PKHD1: variants seen among roughly 807,000 people sequenced by gnomAD.
The protein encoded by PKHD1 is PKHD1 ciliary IPT domain containing fibrocystin/polyductin.
PKHD1 carries 291 observed loss-of-function variants against 412.0 expected under a neutral mutation model. That is an observed-to-expected ratio of 0.71 (90% CI 0.64 to 0.78). PKHD1 has a LOEUF of 0.78. Ranked by LOEUF, PKHD1 falls within the 30% of genes least tolerant of loss-of-function variation. PKHD1 has a pLI of 0.00. For synonymous variants in PKHD1, 1,777 were observed against 1,821.5 expected, an observed-to-expected ratio of 0.98 and a Z score of 0.62; for missense variants, 4,825 against 4,950.7, an observed-to-expected ratio of 0.97 and a Z score of 0.76.
At position 52,066,046 on chromosome 6, in the gene PKHD1, G is replaced by T. The variant is rs754448530; in HGVS notation, c.810C>A (p.Ser270Arg). 3 of 1,597,890 alleles carry T rather than the reference G, an allele frequency of 1.9e-6. No homozygotes were observed. The highest frequency in any genetic ancestry group is 1.7e-5 in the Admixed American group (1 of 59,724). ...EILSVFPETG[S>R]LGGRTNITIT... ...TTGTGATGTTTGTTCTTCCCCCAAGGCTCCCAGTTTCTGGAAACACAGATA... is the reference window on the plus strand; with the variant it reads ...TTGTGATGTTTGTTCTTCCCCCAAGTCTCCCAGTTTCTGGAAACACAGATA... Residue 270 changes from serine (S) to arginine (R), a missense_variant, in exon 12 of 67, where the codon AGC becomes AGA. Ser to Arg is a moderately radical substitution (Grantham distance 110). Transcript: ENST00000371117.
chr6:51,734,342 A>C (rs779243753), intron 60 of PKHD1, among the ~76,000 whole-genome samples: 1 of 152,222 alleles, frequency 6.6e-6, no homozygotes, highest in Non-Finnish European at 1.5e-5. Flanking sequence ...GAAAATGCTA[A>C]AACAAATTAT....
chr6:52,053,147 A>G lies in PKHD1; in HGVS notation c.2069T>C (p.Leu690Pro). The change falls in exon 21 of 67, where the codon CTT becomes CCT. Residue 690 changes from leucine to proline, a missense_variant. Leu to Pro is a moderately conservative substitution (Grantham distance 98). Coordinates refer to ENST00000371117, the MANE Select transcript of PKHD1 (RefSeq NM_138694.4). ...NSPVLVHQIN[L>P]LPLAQETGLF... ...GCCCGTCTCCTGGGCCAGAGGGAGA[A>G]GGTTGATCTGATGAACCAGCACTGG... is the stretch of plus-strand genomic sequence containing the variant. 1 of 1,614,174 alleles carries G rather than the reference A, an allele frequency of 6.2e-7. No homozygotes were observed. The highest frequency in any genetic ancestry group is 8.5e-7 in the Non-Finnish European group (1 of 1,179,982).
chr6:51,778,951 A>C (rs1210888745), intron 53 of PKHD1, among the ~76,000 whole-genome samples: 1 of 151,824 alleles, frequency 6.6e-6, no homozygotes, highest in South Asian at 2.1e-4. Flanking sequence ...ATCCCTCAAA[A>C]CTTGGCTCCA....
chr6:51,678,558 T>G (rs936669853), intron 60 of PKHD1, among the ~76,000 whole-genome samples: 2 of 152,082 alleles, frequency 1.3e-5, no homozygotes, highest in African/African-American at 4.8e-5. Context: ...AAGGTAGAAA[T>G]GACAACCTAT....
chr6:51,984,478 T>C (rs935581689), intron 35 of PKHD1, among the ~76,000 whole-genome samples: 4 of 152,250 alleles, frequency 2.6e-5, no homozygotes, highest in African/African-American at 9.6e-5. Flanking sequence ...AAAATTTACA[T>C]GTTGTCAGTT....
At chr6:51,715,235 T>A (rs1025431366) in intron 60 of PKHD1, among the ~76,000 whole-genome samples, 8 of 151,994 alleles carry the variant, frequency 5.3e-5, no homozygotes, top group African/African-American at 1.9e-4. Flanking sequence ...ATTTTTCCAA[T>A]GAGGAAATGG....
At chr6:51,805,918 T>C (rs576795404) in intron 52 of PKHD1, among the ~76,000 whole-genome samples, 35 of 152,270 alleles carry the variant, frequency 2.3e-4, no homozygotes, top group African/African-American at 7.9e-4. Context: ...TTCCAAGTCT[T>C]TGCTATTGTG....
At chr6:52,076,174 G>A in intron 6 of PKHD1, 102 bp downstream of exon 6, 1 of 787,218 alleles carries the variant, frequency 1.3e-6, no homozygotes, top group Non-Finnish European at 2.3e-6. Flanking sequence ...CATCAAAGAA[G>A]AAGTTAAATT....
intron 53 of PKHD1, among the ~76,000 whole-genome samples, chr6:51,789,067 G>A (rs920974013): frequency 1.4e-4 from 21 of 152,070 alleles, no homozygotes; most frequent in African/African-American, 3.6e-4. Flanking sequence ...GATCCCACCT[G>A]GGAATAGTTC....
intron 60 of PKHD1, among the ~76,000 whole-genome samples, chr6:51,733,059 C>T (rs1783414198): frequency 6.6e-6 from 1 of 152,094 alleles, no homozygotes; most frequent in African/African-American, 2.4e-5. Context: ...TAAGGGTAGT[C>T]AAAATCATAG....
At chr6:51,870,479 CT>C (rs774891896) in intron 47 of PKHD1, 24 bp downstream of exon 47, 1 of 1,588,396 alleles carries the variant, frequency 6.3e-7, no homozygotes, top group Admixed American at 1.7e-5. Flanking sequence ...TATTTATCAT[CT>C]GTTCTGTCTA....
In PKHD1 at chr6:52,019,868, G is replaced by A. The variant is rs1379602273; in HGVS notation, c.5381-2239C>T. On this transcript the variant is annotated intron_variant, in intron 33 of 66. Coordinates refer to ENST00000371117, the MANE Select transcript of PKHD1 (RefSeq NM_138694.4). The stretch of plus-strand genomic sequence containing the variant: ...AATTTCTCCTATGGTTAGAAGTACA[G>A]TTTGTGGGGATGGTAAAAATGGGTG... Among the ~76,000 whole-genome samples, 3 of 152,238 alleles carry A rather than the reference G, an allele frequency of 2.0e-5. No individual in the cohort carries two copies. In the East Asian group the frequency reaches 5.8e-4, roughly 29 times the overall value.
In PKHD1 at chr6:52,055,689, C is replaced by T. The variant is rs759232883; in HGVS notation, c.1734G>A (p.Gly578=). 5.0e-6 allele frequency: 8 copies of T among 1,613,912 alleles called. No homozygotes were observed. In the South Asian group the frequency reaches 8.8e-5, roughly 18 times the overall value. ...TGAACCTGCCACAGAAGGGCTCCGT[C>T]CCACTGGTGAGGTCCCCATCAGAGT... ...VSNSDGDLTS[G]TEPFCGRFSL... is the part of the protein sequence containing the mutation. Residue 578 remains glycine (G), a synonymous_variant, in exon 19 of 67, where the codon GGG becomes GGA. Transcript: ENST00000371117.
intron 1 of PKHD1, among the ~76,000 whole-genome samples, chr6:52,086,516 G>A (rs1236924080): frequency 6.6e-6 from 1 of 151,944 alleles, no homozygotes; most frequent in Non-Finnish European, 1.5e-5. Context: ...AAAAAAATCT[G>A]CAAAAACTTT....
At chr6:52,049,171 A>G (rs1246746270) in intron 22 of PKHD1, among the ~76,000 whole-genome samples, 1 of 152,224 alleles carries the variant, frequency 6.6e-6, no homozygotes, top group Non-Finnish European at 1.5e-5. Context: ...CATGCAGTTT[A>G]CTTACACAAA....
At chr6:51,621,663 C>G (rs934924651) in intron 66 of PKHD1, among the ~76,000 whole-genome samples, 1 of 152,150 alleles carries the variant, frequency 6.6e-6, no homozygotes, top group Non-Finnish European at 1.5e-5. Context: ...CAGCAACATA[C>G]CTGACAGACT....
chr6:51,770,754 C>T (rs1789953202), intron 55 of PKHD1, among the ~76,000 whole-genome samples: 1 of 151,888 alleles, frequency 6.6e-6, no homozygotes, highest in Non-Finnish European at 1.5e-5. Context: ...ATATTTACCT[C>T]CTATGGCTAT....
intron 31 of PKHD1, among the ~76,000 whole-genome samples, chr6:52,027,220 C>T (rs1039417171): frequency 4.7e-4 from 72 of 152,106 alleles, no homozygotes; most frequent in African/African-American, 1.7e-3. Flanking sequence ...ACGTTTCATC[C>T]TCTTTTCATT....
In PKHD1 at chr6:51,817,188, G is replaced by C. The variant is rs1399718886; in HGVS notation, c.8302+13673C>G. Among the ~76,000 whole-genome samples the C allele has an allele frequency of 2.0e-5, 3 of 152,210 alleles. No homozygotes were observed. In the East Asian group the frequency reaches 5.8e-4, roughly 29 times the overall value. ...TCCCATTTTTCTCTAGGAGCATTTA[G>C]AAGTCAGCAATTTGGGAACCACTCT... On this transcript the variant is annotated intron_variant, in intron 52 of 66. Transcript: ENST00000371117.
Sources: gnomAD v4.1 joint callset for allele counts (sites outside exome capture counted in the v4.1 genomes callset) on GRCh38, gnomAD v4.1.1 for gene constraint, MANE v1.5 for transcripts, NCBI Gene and HGNC (gene_info 2026-07-23, HGNC 2026-07-21) for gene names.